UNC5C: variants seen among roughly 807,000 people sequenced by gnomAD.
The protein encoded by UNC5C is unc-5 netrin receptor C.
A neutral mutation model predicts 99.8 loss-of-function variants in UNC5C; 47 were observed. The ratio of observed to expected loss-of-function variants is 0.47; its 90% CI spans 0.37 to 0.60. UNC5C has a LOEUF of 0.60. Among genes scored for constraint, UNC5C ranks in the 20% least tolerant of loss-of-function variants. The pLI is 0.00. For missense variants in UNC5C, 1,062 were observed against 1,165.9 expected (o/e 0.91, Z 1.30); for synonymous variants, 487 against 452.2 (o/e 1.08, Z -0.98).
At chr4:95,305,794 C>G (rs1472590621) in intron 2 of UNC5C, among the ~76,000 whole-genome samples, 1 of 152,120 alleles carries the variant, frequency 6.6e-6, no homozygotes, top group Non-Finnish European at 1.5e-5. Flanking sequence ...TATGAGTGTG[C>G]ACTTGTTAAT....
intron 1 of UNC5C, among the ~76,000 whole-genome samples, chr4:95,447,581 A>C (rs1747142667): frequency 6.6e-6 from 1 of 151,982 alleles, no homozygotes; most frequent in Admixed American, 6.5e-5. Context: ...GCTTACTGCA[A>C]CCTCTTTCTC....
chr4:95,489,793 G>T (rs569267681), intron 1 of UNC5C, among the ~76,000 whole-genome samples: 1 of 151,784 alleles, frequency 6.6e-6, no homozygotes, highest in African/African-American at 2.4e-5. Context: ...GAAGAAGGGG[G>T]AGAAACAACT....
At chr4:95,446,713 G>T (rs1309642733) in intron 1 of UNC5C, among the ~76,000 whole-genome samples, 1 of 152,078 alleles carries the variant, frequency 6.6e-6, no homozygotes, top group Non-Finnish European at 1.5e-5. Flanking sequence ...AACTATAGTG[G>T]TTACACACTG....
At chr4:95,437,654 A>T (rs1746831837) in intron 1 of UNC5C, among the ~76,000 whole-genome samples, 1 of 152,020 alleles carries the variant, frequency 6.6e-6, no homozygotes, top group South Asian at 2.1e-4. Context: ...ACCTACTACA[A>T]CTGTAATTAG....
intron 1 of UNC5C, among the ~76,000 whole-genome samples, chr4:95,359,761 T>C (rs2149434065): frequency 6.6e-6 from 1 of 152,240 alleles, no homozygotes; most frequent in East Asian, 1.9e-4. Flanking sequence ...TGTGAAAGCT[T>C]GGTTTTGAAA....
intron 1 of UNC5C, among the ~76,000 whole-genome samples, chr4:95,510,596 T>C (rs1722044279): frequency 6.6e-6 from 1 of 152,146 alleles, no homozygotes; most frequent in African/African-American, 2.4e-5. Flanking sequence ...ATTCCTTTAA[T>C]GTTATTTAGT....
At chr4:95,304,359 A>G (rs1741981340) in intron 2 of UNC5C, among the ~76,000 whole-genome samples, 1 of 152,220 alleles carries the variant, frequency 6.6e-6, no homozygotes, top group African/African-American at 2.4e-5. Context: ...TTAGTAGATT[A>G]TGTTAGCCAA....
chr4:95,172,069 C>G (rs1023951507), intron 14 of UNC5C, among the ~76,000 whole-genome samples: 1 of 148,150 alleles, frequency 6.7e-6, no homozygotes, highest in African/African-American at 2.5e-5. Context: ...GTCCTTCGCC[C>G]ACTTTTTGAT....
chr4:95,165,517 A>G lies in UNC5C; in HGVS notation c.*3717T>C, dbSNP rs910348061. 6.6e-6 allele frequency: 1 copy of G among 152,218 alleles called. No homozygotes were observed. Among genetic ancestry groups the G allele is most frequent in the African/African-American group, 2.4e-5 (1 of 41,458 alleles). 9.4% of individuals were successfully genotyped at this position (152,218 alleles called of 1,614,324 possible). ...CAGGTTTGTCATCACCATGCCAGTT[A>G]TCAATTCTGAATCCAACTTCTATTC... On this transcript the variant is annotated 3_prime_UTR_variant, in exon 16 of 16. Transcript: ENST00000453304.
rs1267293757 is a variant in UNC5C at position 95,167,053 on chromosome 4, A to G, written c.*2181T>C. On this transcript the variant is annotated 3_prime_UTR_variant, in exon 16 of 16. Transcript: ENST00000453304. ...GCATGAAAGAAAGAAGAGGTTCCAT[A>G]GCAAGGTATCAGCAGTTCCTCAGGG... 6.6e-6 allele frequency: 1 copy of G among 152,226 alleles called. No individual in the cohort carries two copies. Among genetic ancestry groups the G allele is most frequent in the African/African-American group, 2.4e-5 (1 of 41,466 alleles). The allele number at this position is 152,226 out of a possible 1,614,324, so 9.4% of individuals were successfully genotyped here. A position where few individuals can be genotyped will look rare whatever the true frequency, so the allele number is the denominator to read the frequency against.
intron 4 of UNC5C, among the ~76,000 whole-genome samples, chr4:95,257,396 A>G (rs1026916142): frequency 2.0e-5 from 3 of 151,976 alleles, no homozygotes; most frequent in Non-Finnish European, 4.4e-5. Context: ...ACAGCAAGAC[A>G]CTGTCTCCAA....
intron 1 of UNC5C, among the ~76,000 whole-genome samples, chr4:95,439,387 T>TTC (rs1439792746): frequency 6.6e-6 from 1 of 151,504 alleles, no homozygotes; most frequent in Non-Finnish European, 1.5e-5. Context: ...GTTTTGGTTT[T>TTC]TTTTTTTTTG....
chr4:95,500,489 T>A (rs967522312), intron 1 of UNC5C, among the ~76,000 whole-genome samples: 1 of 152,054 alleles, frequency 6.6e-6, no homozygotes, highest in Non-Finnish European at 1.5e-5. Flanking sequence ...CATTAATAAG[T>A]TTTTTCCTAA....
At chr4:95,544,237 T>C (rs1206744341) in intron 1 of UNC5C, among the ~76,000 whole-genome samples, 4 of 152,164 alleles carry the variant, frequency 2.6e-5, no homozygotes, top group Non-Finnish European at 5.9e-5. Flanking sequence ...TAGGAAACAT[T>C]GGTAATCACT....
At chr4:95,404,712 A>C (rs1745787621) in intron 1 of UNC5C, among the ~76,000 whole-genome samples, 1 of 152,202 alleles carries the variant, frequency 6.6e-6, no homozygotes, top group Admixed American at 6.5e-5. Context: ...CTGCGGCCCT[A>C]AATGAGAACA....
intron 1 of UNC5C, among the ~76,000 whole-genome samples, chr4:95,371,419 T>A (rs2149438811): frequency 2.4e-5 from 1 of 41,258 alleles, no homozygotes; most frequent in Non-Finnish European, 4.0e-5. Flanking sequence ...CACAGTATAT[T>A]TTGTGGGGGG....
chr4:95,188,857 AAACTGCT>A, intron 12 of UNC5C, among the ~76,000 whole-genome samples: 1 of 152,304 alleles, frequency 6.6e-6, no homozygotes, highest in Non-Finnish European at 1.5e-5. Context: ...TCACTGCTTT[AAACTGCT>A]AATGGGCTAA....
intron 1 of UNC5C, among the ~76,000 whole-genome samples, chr4:95,390,913 C>T (rs1745338824): frequency 6.6e-6 from 1 of 152,044 alleles, no homozygotes; most frequent in Admixed American, 6.5e-5. Context: ...TGGCTGTGTC[C>T]CCACTCAAAT....
At chr4:95,407,215 A>T (rs1745854874) in intron 1 of UNC5C, among the ~76,000 whole-genome samples, 1 of 152,228 alleles carries the variant, frequency 6.6e-6, no homozygotes, top group African/African-American at 2.4e-5. Flanking sequence ...TTTTATATGC[A>T]GCACAGTATC....
Sources: allele counts gnomAD v4.1 joint callset (sites outside exome capture counted in the v4.1 genomes callset), GRCh38; gene constraint gnomAD v4.1.1; transcripts MANE v1.5; gene names NCBI Gene and HGNC (gene_info 2026-07-23, HGNC 2026-07-21).